PTPRD: variants seen among roughly 807,000 people sequenced by gnomAD.
PTPRD encodes the protein protein tyrosine phosphatase receptor type D.
In PTPRD, 34 loss-of-function variants were observed where a neutral mutation model predicts 214.5. That is an observed-to-expected ratio of 0.16 (90% CI 0.12 to 0.21). PTPRD has a LOEUF of 0.21. Ranked by LOEUF, PTPRD falls within the 10% of genes least tolerant of loss-of-function variation. The pLI is 1.00. For missense variants in PTPRD, 2,545 were observed against 2,398.7 expected, an observed-to-expected ratio of 1.06 and a Z score of -1.27; for synonymous variants, 1,128 against 845.7, an observed-to-expected ratio of 1.33 and a Z score of -5.79.
intron 11 of PTPRD, among the ~76,000 whole-genome samples, chr9:8,914,051 C>T (rs918889976): frequency 1.8e-4 from 28 of 152,198 alleles, no homozygotes; most frequent in African/African-American, 6.5e-4. Context: ...TACAATCAGA[C>T]TAATGAATAC....
chr9:9,065,987 G>C (rs1242485508), intron 10 of PTPRD, among the ~76,000 whole-genome samples: 1 of 152,012 alleles, frequency 6.6e-6, no homozygotes, highest in Non-Finnish European at 1.5e-5. Flanking sequence ...ATAATATAAA[G>C]TAAATTTTCA....
Position 8,726,587 on chromosome 9 carries a change from AAATATATATATATATAT to A in PTPRD, c.64+7176_64+7192del, listed in dbSNP as rs531422352. ...TCTCTACTAAAAAAAAAAAAAAAAAAAATATATATATATATATATATATATATATATATATATATATA... is the reference window on the plus strand; with the variant it reads ...TCTCTACTAAAAAAAAAAAAAAAAAAATATATATATATATATATATATATA... On this transcript the variant is annotated intron_variant, in intron 12 of 45. Transcript: ENST00000381196. Among the ~76,000 whole-genome samples the A allele has an allele frequency of 1.6e-3, 21 of 13,216 alleles. 3 individuals are homozygous for A. The highest frequency in any genetic ancestry group is 5.8e-3 in the African/African-American group (18 of 3,080). The allele number at this position is 13,216 out of a possible 152,430, so 8.7% of individuals were successfully genotyped here.
At chr9:9,415,089 A>G (rs1214443877) in intron 8 of PTPRD, among the ~76,000 whole-genome samples, 3 of 152,178 alleles carry the variant, frequency 2.0e-5, no homozygotes, top group Non-Finnish European at 4.4e-5. Context: ...TTGTGTAATT[A>G]TGTAGTCAGT....
rs766554370 is a variant in PTPRD, at chr9:8,636,847, G to T, written c.65-3C>A. 6 of 1,609,924 alleles carry T rather than the reference G, an allele frequency of 3.7e-6. No homozygotes were observed. In the Admixed American group the frequency reaches 1.0e-4, roughly 27 times the overall value. On this transcript the variant is annotated splice_region_variant and splice_polypyrimidine_tract_variant and intron_variant, in intron 12 of 45. Transcript: ENST00000381196. ...TGTTCGTGTAAACCTTGGAGGTGCT[G>T]AAATAAAAAATAAACATCACAGTTA...
chr9:9,315,205 G>C (rs563234614), intron 9 of PTPRD, among the ~76,000 whole-genome samples: 6 of 151,818 alleles, frequency 4.0e-5, no homozygotes, highest in Non-Finnish European at 8.8e-5. Flanking sequence ...CAAGCTTATT[G>C]TGTTGTAATA....
chr9:10,533,705 T>C (rs1027649542), intron 2 of PTPRD, among the ~76,000 whole-genome samples: 5 of 151,992 alleles, frequency 3.3e-5, no homozygotes, highest in Non-Finnish European at 7.4e-5. Flanking sequence ...ATTATATAGA[T>C]ATCAGGGAAT....
At chr9:10,125,920 A>G (rs576875847) in intron 3 of PTPRD, among the ~76,000 whole-genome samples, 18 of 152,302 alleles carry the variant, frequency 1.2e-4, no homozygotes, top group African/African-American at 3.6e-4. Flanking sequence ...ATGGTAATAT[A>G]TTGTGTGACC....
chr9:10,243,485 T>C (rs1401004662), intron 3 of PTPRD, among the ~76,000 whole-genome samples: 1 of 152,002 alleles, frequency 6.6e-6, no homozygotes, highest in African/African-American at 2.4e-5. Flanking sequence ...ATGGTTTGAG[T>C]CGTCATCAAT....
At position 8,976,646 on chromosome 9, in the gene PTPRD, C is replaced by A. The variant is rs527443537; in HGVS notation, c.-104+42051G>T. On this transcript the variant is annotated intron_variant, in intron 11 of 45. Coordinates refer to ENST00000381196, the MANE Select transcript of PTPRD (RefSeq NM_002839.4). ...ATTCAATTTTGGCCTTGTGTTCTTTCTTTTTCTGTACTGGGAAATCTAACC... is the reference window on the plus strand; with the variant it reads ...ATTCAATTTTGGCCTTGTGTTCTTTATTTTTCTGTACTGGGAAATCTAACC... Among the ~76,000 whole-genome samples the A allele has an allele frequency of 2.0e-5, 3 of 152,014 alleles. No individual in the cohort carries two copies. In the East Asian group the frequency reaches 5.8e-4, roughly 29 times the overall value.
chr9:9,125,846 G>T (rs1001013865), intron 10 of PTPRD, among the ~76,000 whole-genome samples: 10 of 152,268 alleles, frequency 6.6e-5, no homozygotes, highest in South Asian at 2.1e-4. Flanking sequence ...ACTCAATGGG[G>T]TAAAGTTGTT....
At chr9:10,570,642 C>A (rs1260198904) in intron 2 of PTPRD, among the ~76,000 whole-genome samples, 2 of 152,066 alleles carry the variant, frequency 1.3e-5, no homozygotes, top group African/African-American at 2.4e-5. Flanking sequence ...CCTGGCCCAG[C>A]TTTCTCCAGC....
At chr9:9,222,914 A>C (rs2099957105) in intron 9 of PTPRD, among the ~76,000 whole-genome samples, 1 of 152,094 alleles carries the variant, frequency 6.6e-6, no homozygotes, top group South Asian at 2.1e-4. Flanking sequence ...CATTTAAAAA[A>C]CAATGCAGAT....
intron 7 of PTPRD, among the ~76,000 whole-genome samples, chr9:9,732,750 C>T (rs945886203): frequency 5.3e-5 from 8 of 151,934 alleles, no homozygotes; most frequent in African/African-American, 1.5e-4. Flanking sequence ...TCTCATTTTG[C>T]GGCTAAATAT....
At chr9:9,360,772 T>C (rs2055807621) in intron 9 of PTPRD, among the ~76,000 whole-genome samples, 1 of 151,138 alleles carries the variant, frequency 6.6e-6, no homozygotes, top group African/African-American at 2.4e-5. Context: ...CTTTACAGTT[T>C]TTAATAATAG....
intron 7 of PTPRD, among the ~76,000 whole-genome samples, chr9:9,675,695 C>T (rs1469781665): frequency 6.6e-6 from 1 of 151,758 alleles, no homozygotes; most frequent in Non-Finnish European, 1.5e-5. Flanking sequence ...ATCTGAAATG[C>T]ACTGTAAAGA....
At chr9:9,541,432 C>A (rs890400020) in intron 8 of PTPRD, among the ~76,000 whole-genome samples, 124 of 151,872 alleles carry the variant, frequency 8.2e-4, no homozygotes, top group African/African-American at 3.0e-3. Flanking sequence ...CTTGGAACTT[C>A]CAGCCCAACC....
chr9:9,796,116 T>C (rs2761735), intron 5 of PTPRD, among the ~76,000 whole-genome samples: 40,499 of 152,022 alleles, frequency 0.27, 6,274 homozygotes, highest in African/African-American at 0.43. Context: ...AAATATTCAC[T>C]TCCAAACAGA....
intron 5 of PTPRD, among the ~76,000 whole-genome samples, chr9:9,905,941 C>G (rs1183078282): frequency 6.6e-6 from 1 of 151,820 alleles, no homozygotes; most frequent in Non-Finnish European, 1.5e-5. Context: ...AAGGTGGGAC[C>G]AGAATACGGT....
chr9:8,384,136 C>G (rs1222181891), intron 37 of PTPRD, among the ~76,000 whole-genome samples: 1 of 152,182 alleles, frequency 6.6e-6, no homozygotes, highest in East Asian at 1.9e-4. Context: ...GCAAGCAAGG[C>G]TGCCAATCAT....
Sources: gnomAD v4.1 joint callset for allele counts (sites outside exome capture counted in the v4.1 genomes callset) on GRCh38, gnomAD v4.1.1 for gene constraint, MANE v1.5 for transcripts, NCBI Gene and HGNC (gene_info 2026-07-23, HGNC 2026-07-21) for gene names.